Variants in CTNND2 observed in about 807,000 individuals in gnomAD.
CTNND2 encodes catenin delta-2.
Under a neutral mutation model 144.4 loss-of-function variants are expected in CTNND2, and 22 were observed. That is an observed-to-expected ratio of 0.15 (90% CI 0.11 to 0.22). CTNND2 has a LOEUF of 0.22. Ranked by LOEUF, CTNND2 falls within the 10% of genes least tolerant of loss-of-function variation. The probability of loss-of-function intolerance (pLI) is 1.00; values close to 1 mark genes in which losing one functional copy is unlikely to be tolerated. For synonymous variants in CTNND2, 751 were observed against 695.6 expected, an observed-to-expected ratio of 1.08 and a Z score of -1.25; for missense variants, 1,353 against 1,618.8, an observed-to-expected ratio of 0.84 and a Z score of 2.82.
At chr5:11,006,217 C>T (rs1580010174) in intron 18 of CTNND2, among the ~76,000 whole-genome samples, 1 of 152,328 alleles carries the variant, frequency 6.6e-6, no homozygotes, top group East Asian at 1.9e-4. Flanking sequence ...AGTGACAAAG[C>T]AGCCAGGGAG....
intron 2 of CTNND2, among the ~76,000 whole-genome samples, chr5:11,710,740 C>G (rs563266680): frequency 2.0e-5 from 3 of 152,144 alleles, no homozygotes; most frequent in Non-Finnish European, 4.4e-5. Flanking sequence ...CTGCTGCCTT[C>G]ACAGCAGTTA....
intron 10 of CTNND2, among the ~76,000 whole-genome samples, chr5:11,210,688 G>C (rs1738540887): frequency 6.6e-6 from 1 of 152,144 alleles, no homozygotes; most frequent in Admixed American, 6.5e-5. Flanking sequence ...CACCCCAAAA[G>C]GTAGATAGGT....
chr5:11,513,230 G>C (rs777920026), intron 3 of CTNND2, among the ~76,000 whole-genome samples: 1 of 152,098 alleles, frequency 6.6e-6, no homozygotes, highest in Non-Finnish European at 1.5e-5. Flanking sequence ...GCTGCAAGAC[G>C]GTGCATGGGC....
In CTNND2 at chr5:11,399,680, C is replaced by G. The variant is rs932353515; in HGVS notation, c.440-2477G>C. The stretch of plus-strand genomic sequence containing the variant: ...TTATAGAATCAGTTGTGTATTTGAT[C>G]AGTACTCAATGAAAAGTAACCAGGA... On this transcript the variant is annotated intron_variant, in intron 5 of 21. Transcript: ENST00000304623. Among the ~76,000 whole-genome samples, 5 of 152,274 alleles carry G rather than the reference C, an allele frequency of 3.3e-5. No homozygotes were observed. The East Asian group carries it at 9.7e-4, about 29-fold the overall frequency.
chr5:11,657,079 G>C (rs756182843), intron 2 of CTNND2, among the ~76,000 whole-genome samples: 1 of 152,074 alleles, frequency 6.6e-6, no homozygotes, highest in African/African-American at 2.4e-5. Context: ...AAGCACAGAA[G>C]GCAATCGTGA....
chr5:11,017,930 G>T, intron 18 of CTNND2, 44 bp downstream of exon 18: 1 of 1,483,328 alleles, frequency 6.7e-7, no homozygotes, highest in Non-Finnish European at 9.4e-7. Flanking sequence ...TCAGGGTCCC[G>T]TGTTGAGTGT....
intron 3 of CTNND2, among the ~76,000 whole-genome samples, chr5:11,519,056 G>GAA (rs5865954): frequency 2.0e-5 from 3 of 151,538 alleles, no homozygotes; most frequent in Admixed American, 6.6e-5. Flanking sequence ...GGAAAAAATG[G>GAA]AAAAAAATAG....
intron 3 of CTNND2, among the ~76,000 whole-genome samples, chr5:11,494,905 T>C (rs1002974138): frequency 2.6e-5 from 4 of 152,184 alleles, no homozygotes; most frequent in Admixed American, 6.5e-5. Flanking sequence ...CAGTATTCCA[T>C]TCAGACTCAA....
At chr5:11,087,045 T>C (rs1208932168) in intron 15 of CTNND2, among the ~76,000 whole-genome samples, 1 of 152,232 alleles carries the variant, frequency 6.6e-6, no homozygotes. Flanking sequence ...GTTAGAAGTA[T>C]AGTCTGCAAT....
intron 2 of CTNND2, among the ~76,000 whole-genome samples, chr5:11,578,641 A>G (rs934337192): frequency 1.3e-5 from 2 of 151,802 alleles, no homozygotes; most frequent in African/African-American, 4.8e-5. Context: ...AGCCTGGGCG[A>G]CAGAGCGAGA....
chr5:11,756,618 C>A (rs10866483), intron 1 of CTNND2, among the ~76,000 whole-genome samples: 133,083 of 151,000 alleles, frequency 0.88, 60,556 homozygotes, highest in South Asian at 0.99. Flanking sequence ...ACATCCACAT[C>A]CACACAAATC....
chr5:11,057,623 A>G (rs1293485849), intron 16 of CTNND2, among the ~76,000 whole-genome samples: 2 of 152,246 alleles, frequency 1.3e-5, no homozygotes, highest in Non-Finnish European at 2.9e-5. Context: ...ATGGATTAAT[A>G]CAATACATTG....
intron 3 of CTNND2, among the ~76,000 whole-genome samples, chr5:11,454,593 T>C (rs1398033960): frequency 7.0e-6 from 1 of 142,234 alleles, no homozygotes; most frequent in African/African-American, 3.1e-5. Context: ...ACAGAAAGTT[T>C]TTTTTCCTTT....
chr5:11,858,070 A>T (rs1249103013), intron 1 of CTNND2, among the ~76,000 whole-genome samples: 3 of 152,228 alleles, frequency 2.0e-5, no homozygotes. Context: ...AATCACAGGT[A>T]ATGTGGCTTC....
At chr5:11,787,980 T>A (rs1194923461) in intron 1 of CTNND2, among the ~76,000 whole-genome samples, 1 of 152,230 alleles carries the variant, frequency 6.6e-6, no homozygotes, top group African/African-American at 2.4e-5. Context: ...TTGCTCCCTA[T>A]AAGTTTACTG....
chr5:11,462,769 A>G (rs992952069), intron 3 of CTNND2, among the ~76,000 whole-genome samples: 8 of 152,198 alleles, frequency 5.3e-5, no homozygotes, highest in African/African-American at 1.9e-4. Flanking sequence ...TTTAATAAAT[A>G]CCAACTAAGA....
intron 3 of CTNND2, among the ~76,000 whole-genome samples, chr5:11,507,957 T>C (rs1268412473): frequency 6.6e-6 from 1 of 150,514 alleles, no homozygotes; most frequent in African/African-American, 2.5e-5. Flanking sequence ...AAGGCTCGTG[T>C]TGTGAGGCTT....
intron 1 of CTNND2, among the ~76,000 whole-genome samples, chr5:11,732,967 G>A (rs572405701): frequency 5.9e-5 from 9 of 152,200 alleles, no homozygotes; most frequent in South Asian, 2.1e-4. Context: ...GACTGGGTTC[G>A]TAGAGCTTCT....
chr5:10,990,096 C>T (rs1165240593), intron 19 of CTNND2, among the ~76,000 whole-genome samples: 4 of 152,226 alleles, frequency 2.6e-5, no homozygotes, highest in Non-Finnish European at 1.5e-5. Flanking sequence ...GCAGCACCTT[C>T]ATCACTTGTA....
Sources: gnomAD v4.1 joint callset for allele counts (sites outside exome capture counted in the v4.1 genomes callset) on GRCh38, gnomAD v4.1.1 for gene constraint, MANE v1.5 for transcripts, NCBI Gene and HGNC (gene_info 2026-07-23, HGNC 2026-07-21) for gene names.